GRAP2: variants seen among roughly 807,000 people sequenced by gnomAD.
The protein encoded by GRAP2 is GRB2 related adaptor protein 2.
Under a neutral mutation model 43.5 loss-of-function variants are expected in GRAP2, and 31 were observed. The observed-to-expected ratio is 0.71, with a 90% CI of 0.54 to 0.96. The LOEUF (loss-of-function observed/expected upper bound fraction) is 0.96, where lower values mean the gene tolerates loss of function less well. GRAP2 is among the 40% of genes least tolerant of loss of function. The pLI is 0.00. For synonymous variants in GRAP2, 156 were observed against 164.8 expected (o/e 0.95, Z 0.41); for missense variants, 371 against 424.4 (o/e 0.87, Z 1.11).
chr22:39,911,645 G>T (rs1173677634), intron 1 of GRAP2, among the ~76,000 whole-genome samples: 2 of 151,962 alleles, frequency 1.3e-5, no homozygotes. Context: ...TTATAGACAG[G>T]TGCAGGGAAC....
chr22:39,920,806 G>C (rs1161240953), intron 1 of GRAP2, among the ~76,000 whole-genome samples: 1 of 151,658 alleles, frequency 6.6e-6, no homozygotes, highest in Non-Finnish European at 1.5e-5. Flanking sequence ...CACACACGTG[G>C]ATGCTGAAAC....
Position 39,934,518 on chromosome 22 carries a change from A to G in GRAP2, c.-14-12575A>G, listed in dbSNP as rs557568695. On this transcript the variant is annotated intron_variant, in intron 1 of 7. Coordinates refer to ENST00000344138, the MANE Select transcript of GRAP2 (RefSeq NM_004810.4). ...ACCAGAGGGTTAGGAGTACAAATCC[A>G]TGCCCGAATGAATTGTGATAGGCTG... is the stretch of plus-strand genomic sequence containing the variant. Among the ~76,000 whole-genome samples the G allele has an allele frequency of 3.5e-4, 53 of 152,266 alleles. 1 individual carries two copies. Among genetic ancestry groups the G allele is most frequent in the Non-Finnish European group, 6.5e-4 (44 of 68,046 alleles).
intron 1 of GRAP2, among the ~76,000 whole-genome samples, chr22:39,906,432 T>C (rs2066523579): frequency 6.6e-6 from 1 of 152,226 alleles, no homozygotes; most frequent in Admixed American, 6.5e-5. Context: ...TGGTCCATGC[T>C]CCTTCATTAG....
intron 1 of GRAP2, among the ~76,000 whole-genome samples, chr22:39,944,975 T>C (rs1412772074): frequency 6.6e-6 from 1 of 152,220 alleles, no homozygotes; most frequent in Non-Finnish European, 1.5e-5. Context: ...CTACTGTTGA[T>C]ACCATGAGGA....
upstream of GRAP2, among the ~76,000 whole-genome samples, chr22:39,900,072 A>T (rs1285811126): frequency 2.0e-5 from 3 of 152,190 alleles, no homozygotes; most frequent in Non-Finnish European, 4.4e-5. Context: ...TCACCTTGAC[A>T]CTTTGCTGAT....
chr22:39,905,633 A>G (rs2066518250), intron 1 of GRAP2, among the ~76,000 whole-genome samples: 1 of 152,212 alleles, frequency 6.6e-6, no homozygotes, highest in South Asian at 2.1e-4. Context: ...TTGTTCTAAT[A>G]CTTTGTAGGT....
chr22:39,934,810 A>G (rs2066790481), intron 1 of GRAP2, among the ~76,000 whole-genome samples: 2 of 152,082 alleles, frequency 1.3e-5, no homozygotes, highest in African/African-American at 4.8e-5. Context: ...GGTCAAGGCT[A>G]CAGTGACCCA....
intron 1 of GRAP2, among the ~76,000 whole-genome samples, chr22:39,937,150 G>T (rs2066814797): frequency 6.6e-6 from 1 of 152,152 alleles, no homozygotes; most frequent in South Asian, 2.1e-4. Flanking sequence ...GTTGCAACGG[G>T]TGACCGATTA....
In GRAP2 at chr22:39,971,132, G is replaced by T. The variant is rs760521133; in HGVS notation, c.*48G>T. On this transcript the variant is annotated 3_prime_UTR_variant, in exon 8 of 8. Coordinates refer to ENST00000344138, the MANE Select transcript of GRAP2 (RefSeq NM_004810.4). Reference sequence around the variant, plus strand: ...TTTGTCTGGAGCTGCCCACAAGAAAGAGGGCAAGGAAAAAAGGCTGGACTC... The same window carrying T: ...TTTGTCTGGAGCTGCCCACAAGAAATAGGGCAAGGAAAAAAGGCTGGACTC... 2 of 1,451,766 alleles carry T rather than the reference G, an allele frequency of 1.4e-6. No homozygotes were observed. The highest frequency in any genetic ancestry group is 1.9e-6 in the Non-Finnish European group (2 of 1,052,318). The allele number at this position is 1,451,766 out of a possible 1,614,324, so 89.9% of individuals were successfully genotyped here.
rs909536757 is a variant in GRAP2 at position 39,901,348 on chromosome 22, A to T, written c.-15+18A>T. ...TCCAAAAGGTATGTCATTATACAACATCTGTACATATACTCTAGAAACTTT... is the reference window on the plus strand; with the variant it reads ...TCCAAAAGGTATGTCATTATACAACTTCTGTACATATACTCTAGAAACTTT... On this transcript the variant is annotated intron_variant, in intron 1 of 7. Transcript: ENST00000344138. The T allele has an allele frequency of 4.7e-6, 4 of 849,092 alleles. No homozygotes were observed. In the Admixed American group the frequency reaches 9.3e-5, roughly 20 times the overall value. The allele number at this position is 849,092 out of a possible 1,614,324, so 52.6% of individuals were successfully genotyped here.
chr22:39,964,193 A>G (rs2067147074), intron 4 of GRAP2: 1 of 537,792 alleles, frequency 1.9e-6, no homozygotes, highest in African/African-American at 1.9e-5. Flanking sequence ...CTTGGCAATG[A>G]AGTAAAACTG....
intron 1 of GRAP2, among the ~76,000 whole-genome samples, chr22:39,908,948 T>G (rs2066540707): frequency 6.6e-6 from 1 of 152,200 alleles, no homozygotes; most frequent in Admixed American, 6.5e-5. Context: ...CCGTATCCTG[T>G]GTTCTGTGCT....
At chr22:39,961,575 G>A (rs982415946) in intron 4 of GRAP2, among the ~76,000 whole-genome samples, 1 of 152,202 alleles carries the variant, frequency 6.6e-6, no homozygotes, top group Non-Finnish European at 1.5e-5. Flanking sequence ...GCAACCCATA[G>A]GAAGTGACTC....
rs1030779971 is a variant in GRAP2 at position 39,973,066 on chromosome 22, C to T, written c.*1982C>T. ...GAGCAAAGAAGCATAAGGAAAAGAA[C>T]AGGAGAAAGAACAAAGGCAGAGAAG... On this transcript the variant is annotated 3_prime_UTR_variant, in exon 8 of 8. Transcript: ENST00000344138. 5 of 152,742 alleles carry T rather than the reference C, an allele frequency of 3.3e-5. No individual in the cohort carries two copies. Among genetic ancestry groups the T allele is most frequent in the African/African-American group, 1.2e-4 (5 of 41,422 alleles). 9.5% of individuals were successfully genotyped at this position (152,742 alleles called of 1,614,324 possible). A position where few individuals can be genotyped will look rare whatever the true frequency, so the allele number is the denominator to read the frequency against.
At chr22:39,938,209 A>T (rs1169200231) in intron 1 of GRAP2, among the ~76,000 whole-genome samples, 1 of 152,170 alleles carries the variant, frequency 6.6e-6, no homozygotes, top group Non-Finnish European at 1.5e-5. Flanking sequence ...AAAAACCTTA[A>T]GCAGGAAAAA....
chr22:39,943,607 C>T (rs1482013558), intron 1 of GRAP2, among the ~76,000 whole-genome samples: 2 of 152,058 alleles, frequency 1.3e-5, no homozygotes, highest in Non-Finnish European at 2.9e-5. Flanking sequence ...GCTGCAGCGT[C>T]TCACACTGTA....
upstream of GRAP2, among the ~76,000 whole-genome samples, chr22:39,899,574 T>A (rs1049876658): frequency 2.3e-5 from 2 of 87,414 alleles, no homozygotes; most frequent in African/African-American, 1.9e-4. Flanking sequence ...AGCAAGATGT[T>A]GTTATTTTTA....
At position 39,971,611 on chromosome 22, in the gene GRAP2, TG is replaced by T. The variant is rs2067244810; in HGVS notation, c.*528del. On this transcript the variant is annotated 3_prime_UTR_variant, in exon 8 of 8. Coordinates refer to ENST00000344138, the MANE Select transcript of GRAP2 (RefSeq NM_004810.4). Reference sequence around the variant, plus strand: ...TAGGAATTAAGGTGCAGCCCAGTGCTGCGGGCAGCCAAGCGAGTCTGAGCGG... The same window carrying T: ...TAGGAATTAAGGTGCAGCCCAGTGCTCGGGCAGCCAAGCGAGTCTGAGCGG... 6.5e-6 allele frequency: 1 copy of T among 152,806 alleles called. No individual in the cohort carries two copies. Among genetic ancestry groups the T allele is most frequent in the African/African-American group, 2.4e-5 (1 of 41,462 alleles). The allele number at this position is 152,806 out of a possible 1,614,324, so 9.5% of individuals were successfully genotyped here. A position where few individuals can be genotyped will look rare whatever the true frequency, so the allele number is the denominator to read the frequency against.
chr22:39,916,915 A>G (rs1489835944), intron 1 of GRAP2, among the ~76,000 whole-genome samples: 1 of 152,024 alleles, frequency 6.6e-6, no homozygotes, highest in Admixed American at 6.5e-5. Context: ...CCATGTAACT[A>G]TTGCCAAGTA....
Sources: allele counts gnomAD v4.1 joint callset (sites outside exome capture counted in the v4.1 genomes callset), GRCh38; gene constraint gnomAD v4.1.1; transcripts MANE v1.5; gene names NCBI Gene and HGNC (gene_info 2026-07-23, HGNC 2026-07-21).